PCTP: variants seen among roughly 807,000 people sequenced by gnomAD.
The protein encoded by PCTP is phosphatidylcholine transfer protein, also known as START domain-containing protein 2.
A neutral mutation model predicts 31.0 loss-of-function variants in PCTP; 27 were observed. The observed-to-expected ratio is 0.87, with a 90% CI of 0.64 to 1.20. The LOEUF is 1.20. PCTP is among the 50% of genes most tolerant of loss of function. PCTP has a pLI of 0.00. For synonymous variants in PCTP, 108 were observed against 101.2 expected, an observed-to-expected ratio of 1.07 and a Z score of -0.40; for missense variants, 287 against 268.2, an observed-to-expected ratio of 1.07 and a Z score of -0.49.
intron 3 of PCTP, among the ~76,000 whole-genome samples, chr17:55,772,276 CAG>C (rs140307765): frequency 0.078 from 11,845 of 152,180 alleles, 731 homozygotes; most frequent in East Asian, 0.3. Context: ...GGTGGGGCAA[CAG>C]GGGGCGCTGT....
intron 1 of PCTP, among the ~76,000 whole-genome samples, chr17:55,758,109 ACCAGTG>A (rs1910145797): frequency 6.6e-6 from 1 of 152,224 alleles, no homozygotes; most frequent in Non-Finnish European, 1.5e-5. Flanking sequence ...AGAGTGTGGA[ACCAGTG>A]CGCAGAGGCT....
At chr17:55,801,165 T>A (rs932923439) in intron 3 of PCTP, among the ~76,000 whole-genome samples, 1 of 152,134 alleles carries the variant, frequency 6.6e-6, no homozygotes, top group Non-Finnish European at 1.5e-5. Flanking sequence ...AAGAGCTAAC[T>A]AACCTAAATA....
At chr17:55,846,307 AG>A (rs1301437831), downstream of PCTP, among the ~76,000 whole-genome samples, 4 of 152,180 alleles carry the variant, frequency 2.6e-5, no homozygotes, top group Non-Finnish European at 4.4e-5. Flanking sequence ...GTCCTGTGTC[AG>A]GGACAGGGGT....
At chr17:55,754,791 G>A (rs1299992133) in intron 1 of PCTP, among the ~76,000 whole-genome samples, 1 of 152,120 alleles carries the variant, frequency 6.6e-6, no homozygotes, top group Non-Finnish European at 1.5e-5. Context: ...AGACTGTAAC[G>A]AGGGCTATGA....
At chr17:55,753,595 A>G (rs1432583588) in intron 1 of PCTP, among the ~76,000 whole-genome samples, 2 of 152,192 alleles carry the variant, frequency 1.3e-5, no homozygotes, top group Non-Finnish European at 2.9e-5. Flanking sequence ...TGTGTCTTCA[A>G]CATGCTCCTG....
intron 3 of PCTP, among the ~76,000 whole-genome samples, chr17:55,792,574 G>C (rs982293704): frequency 2.0e-5 from 3 of 152,136 alleles, no homozygotes; most frequent in African/African-American, 7.2e-5. Flanking sequence ...CCTAGTGTAT[G>C]GGACTAGAAG....
At chr17:55,848,922 A>G in the PCTP span, among the ~76,000 whole-genome samples, 2 of 152,228 alleles carry the variant, frequency 1.3e-5, no homozygotes, top group Non-Finnish European at 1.5e-5. Context: ...AAAACAGTTC[A>G]TGCTTACTGG....
At chr17:55,820,652 T>G (rs888957157) in intron 3 of PCTP, among the ~76,000 whole-genome samples, 23 of 152,222 alleles carry the variant, frequency 1.5e-4, no homozygotes, top group African/African-American at 5.5e-4. Context: ...ACAGCAGGGC[T>G]TGTATCTAAA....
At chr17:55,839,919 C>CAGAAAAAAAAAA in intron 5 of PCTP, among the ~76,000 whole-genome samples, 1 of 12,506 alleles carries the variant, frequency 8.0e-5, no homozygotes, top group East Asian at 2.9e-3. Context: ...GACTCAGTCT[C>CAGAAAAAAAAAA]AAAAAAAAAA....
rs144369064 is a variant in PCTP, at chr17:55,767,433, A to G, written c.240A>G (p.Gln80=). Residue 80 remains glutamine (Q), a synonymous_variant, in exon 2 of 6, where the codon CAA becomes CAG. Coordinates refer to ENST00000268896, the MANE Select transcript of PCTP (RefSeq NM_021213.4). The stretch of plus-strand genomic sequence containing the variant: ...ATATGGACTCAGATTACAGAAAACA[A>G]TGGGACCAGTATGTTAAAGGTGAGT... The part of the protein sequence containing the change: ...DIYMDSDYRK[Q]WDQYVKELYE... 197 of 1,607,462 alleles carry G rather than the reference A, an allele frequency of 1.2e-4. No individual in the cohort carries two copies. The highest frequency in any genetic ancestry group is 3.3e-4 in the Middle Eastern group (2 of 6,078).
chr17:55,822,478 G>A (rs1205288416), intron 3 of PCTP, among the ~76,000 whole-genome samples: 3 of 152,158 alleles, frequency 2.0e-5, no homozygotes, highest in Non-Finnish European at 4.4e-5. Flanking sequence ...GTGGGAAATG[G>A]CACAATGGTA....
chr17:55,796,749 T>A (rs1350837929), intron 3 of PCTP, among the ~76,000 whole-genome samples: 7 of 152,006 alleles, frequency 4.6e-5, no homozygotes, highest in Non-Finnish European at 1.0e-4. Flanking sequence ...TTTCTGAAGC[T>A]TGTAGTTTAA....
chr17:55,822,342 A>G (rs1913140982), intron 3 of PCTP, among the ~76,000 whole-genome samples: 1 of 152,220 alleles, frequency 6.6e-6, no homozygotes. Context: ...AACACATTTC[A>G]GGATGTTTGA....
chr17:55,845,938 G>A (rs1352824345), downstream of PCTP, among the ~76,000 whole-genome samples: 1 of 149,992 alleles, frequency 6.7e-6, no homozygotes, highest in Non-Finnish European at 1.5e-5. Flanking sequence ...ATGTGTGTGT[G>A]TTCCCAAATA....
At chr17:55,754,291 G>A (rs1306773710) in intron 1 of PCTP, among the ~76,000 whole-genome samples, 2 of 152,164 alleles carry the variant, frequency 1.3e-5, no homozygotes, top group Non-Finnish European at 2.9e-5. Context: ...TGTAAATAGG[G>A]GATCCCATGA....
intron 3 of PCTP, among the ~76,000 whole-genome samples, chr17:55,811,120 C>T (rs926642468): frequency 1.3e-5 from 2 of 152,120 alleles, no homozygotes; most frequent in Non-Finnish European, 2.9e-5. Context: ...GAGAATTGTT[C>T]TTAGCCACTC....
At chr17:55,828,735 G>A (rs1008634259) in intron 5 of PCTP, among the ~76,000 whole-genome samples, 1 of 152,210 alleles carries the variant, frequency 6.6e-6, no homozygotes, top group African/African-American at 2.4e-5. Flanking sequence ...CCAGTAGTAA[G>A]AGCTGTAGAC....
At chr17:55,779,810 C>T (rs980967525), downstream of PCTP, among the ~76,000 whole-genome samples, 2 of 152,142 alleles carry the variant, frequency 1.3e-5, no homozygotes, top group Non-Finnish European at 2.9e-5. Context: ...GTAGCCCATA[C>T]TTAAATCAAG....
chr17:55,751,271 C>T, intron 1 of PCTP, 27 bp downstream of exon 1: 1 of 1,527,922 alleles, frequency 6.5e-7, no homozygotes, highest in Non-Finnish European at 8.8e-7. Flanking sequence ...TGGAGGACCG[C>T]GGGGCCTAGA....
Sources: allele counts gnomAD v4.1 joint callset (sites outside exome capture counted in the v4.1 genomes callset), GRCh38; gene constraint gnomAD v4.1.1; transcripts MANE v1.5; gene names NCBI Gene and HGNC (gene_info 2026-07-23, HGNC 2026-07-21).